The following OR9Q1 variants were observed in gnomAD, a reference collection of about 807,000 sequenced individuals.
The protein encoded by OR9Q1 is olfactory receptor 9Q1.
For missense variants in OR9Q1, 374 were observed against 378.8 expected (o/e 0.99, Z 0.11); for synonymous variants, 153 against 148.6 (o/e 1.03, Z -0.22).
chr11:58,071,499 A>T (rs1245165587), intron 2 of OR9Q1, among the ~76,000 whole-genome samples: 1 of 151,850 alleles, frequency 6.6e-6, no homozygotes, highest in African/African-American at 2.4e-5. Context: ...AATAAAATAA[A>T]AATAAAGAAG....
chr11:58,113,482 C>G (rs1042931856), intron 2 of OR9Q1, among the ~76,000 whole-genome samples: 3 of 152,196 alleles, frequency 2.0e-5, no homozygotes, highest in African/African-American at 4.8e-5. Flanking sequence ...CATTACCCCC[C>G]TCATTGTACT....
chr11:58,124,410 A>C (rs1029119013), intron 2 of OR9Q1: 6 of 152,192 alleles, frequency 3.9e-5, no homozygotes, highest in African/African-American at 1.4e-4. Context: ...CCTTTACAGA[A>C]GAGATGGTCC....
chr11:58,177,348 C>T (rs907020462), intron 2 of OR9Q1, among the ~76,000 whole-genome samples: 1 of 152,152 alleles, frequency 6.6e-6, no homozygotes, highest in Non-Finnish European at 1.5e-5. Context: ...TTTCTAATGG[C>T]CGTTCCACCA....
chr11:58,039,332 A>G (rs1002182756), intron 1 of OR9Q1, among the ~76,000 whole-genome samples: 1 of 152,182 alleles, frequency 6.6e-6, no homozygotes, highest in Non-Finnish European at 1.5e-5. Context: ...TGGTGGCTTC[A>G]TTCTCATTGG....
In OR9Q1 at chr11:58,180,050, T is replaced by G. The variant is rs773963128; in HGVS notation, c.606T>G (p.Phe202Leu). 2.5e-6 allele frequency: 4 copies of G among 1,614,104 alleles called. No individual in the cohort carries two copies. In the East Asian group the frequency reaches 6.7e-5, roughly 27 times the overall value. Residue 202 changes from phenylalanine (F) to leucine (L), a missense_variant, in exon 3 of 3, where the codon TTT becomes TTG. Transcript: ENST00000335397. ...SYTQEVLIIM[F>L]AIFVIPASMV... ...CTCAAGAAGTGCTGATTATTATGTT[T>G]GCCATTTTTGTCATCCCTGCTTCCA...
At chr11:58,089,820 T>G (rs1565073301) in intron 2 of OR9Q1, among the ~76,000 whole-genome samples, 1 of 151,972 alleles carries the variant, frequency 6.6e-6, no homozygotes, top group Non-Finnish European at 1.5e-5. Context: ...GTGTCCTCTC[T>G]TATTTCCTTG....
chr11:58,169,295 T>A (rs976688913), intron 2 of OR9Q1, among the ~76,000 whole-genome samples: 32 of 152,184 alleles, frequency 2.1e-4, no homozygotes, highest in Non-Finnish European at 3.8e-4. Flanking sequence ...GGTATTAGAA[T>A]CTTGGTGAGC....
At chr11:58,031,252 T>C (rs776369205) in intron 1 of OR9Q1, 2 of 1,614,178 alleles carry the variant, frequency 1.2e-6, no homozygotes, top group South Asian at 2.2e-5. Flanking sequence ...CTTATGCTGA[T>C]TGCCTATCCC....
chr11:58,037,690 T>TATAG (rs1232679301), intron 1 of OR9Q1, among the ~76,000 whole-genome samples: 76 of 9,346 alleles, frequency 8.1e-3, no homozygotes, highest in African/African-American at 0.036. Flanking sequence ...TATATATATA[T>TATAG]TTTTTTTTTT....
intron 2 of OR9Q1, among the ~76,000 whole-genome samples, chr11:58,096,351 C>T (rs1360937557): frequency 2.6e-5 from 4 of 152,166 alleles, no homozygotes; most frequent in Non-Finnish European, 4.4e-5. Context: ...TCCAGAAAAT[C>T]CCTTCCTGTC....
intron 2 of OR9Q1, chr11:58,057,826 T>A (rs934685146): frequency 6.6e-6 from 1 of 152,200 alleles, no homozygotes; most frequent in Non-Finnish European, 1.5e-5. Flanking sequence ...TCACACCACC[T>A]GGAGAAAAGC....
chr11:58,103,360 T>C (rs1853809022), intron 2 of OR9Q1, among the ~76,000 whole-genome samples: 1 of 152,130 alleles, frequency 6.6e-6, no homozygotes, highest in South Asian at 2.1e-4. Flanking sequence ...ATGCGGTGAT[T>C]ATGGGAATTA....
chr11:58,136,109 C>T (rs1342602341), intron 2 of OR9Q1, among the ~76,000 whole-genome samples: 1 of 152,170 alleles, frequency 6.6e-6, no homozygotes, highest in African/African-American at 2.4e-5. Flanking sequence ...ACAATCTTGA[C>T]ATCTTTCTCC....
chr11:58,140,252 T>C (rs983420505), intron 2 of OR9Q1, among the ~76,000 whole-genome samples: 4 of 152,166 alleles, frequency 2.6e-5, no homozygotes, highest in Non-Finnish European at 5.9e-5. Flanking sequence ...TTCACTCTGA[T>C]GGTGGTTTCT....
rs1425930673 is a variant in OR9Q1, at chr11:58,140,511, C to G, written c.-14-38920C>G. On this transcript the variant is annotated intron_variant, in intron 2 of 2. Transcript: ENST00000335397. The stretch of plus-strand genomic sequence containing the variant: ...GTTTCAGCTTTCTACATATGGCTAG[C>G]CAGTTTTCCCAGCACCATTTATTAA... 2.6e-5 allele frequency among the ~76,000 whole-genome samples: 4 copies of G among 152,202 alleles called. No individual in the cohort carries two copies. In the East Asian group the frequency reaches 7.7e-4, roughly 29 times the overall value.
chr11:58,124,880 A>G (rs927661668), intron 2 of OR9Q1, among the ~76,000 whole-genome samples: 1 of 152,214 alleles, frequency 6.6e-6, no homozygotes, highest in African/African-American at 2.4e-5. Context: ...TATGCATTGT[A>G]GACACATTAG....
chr11:58,140,572 G>A (rs1221056759), intron 2 of OR9Q1, among the ~76,000 whole-genome samples: 1 of 152,232 alleles, frequency 6.6e-6, no homozygotes, highest in East Asian at 1.9e-4. Context: ...GTTTTTGTCA[G>A]GTTTGTCAAA....
At chr11:58,178,874 A>G (rs1222708771) in intron 2 of OR9Q1, among the ~76,000 whole-genome samples, 2 of 137,384 alleles carry the variant, frequency 1.5e-5, no homozygotes, top group Non-Finnish European at 3.2e-5. Flanking sequence ...CATATTTTAT[A>G]TGTATATATT....
intron 2 of OR9Q1, among the ~76,000 whole-genome samples, chr11:58,148,412 T>A (rs1424101654): frequency 1.3e-5 from 2 of 152,202 alleles, no homozygotes; most frequent in Non-Finnish European, 2.9e-5. Context: ...ATTTTTCTTT[T>A]GTCATGAAGA....
Sources: gnomAD v4.1 joint callset for allele counts (sites outside exome capture counted in the v4.1 genomes callset) on GRCh38, gnomAD v4.1.1 for gene constraint, MANE v1.5 for transcripts, NCBI Gene and HGNC (gene_info 2026-07-23, HGNC 2026-07-21) for gene names.